The following CELF2 variants were observed in gnomAD, a reference collection of about 807,000 sequenced individuals.
CELF2 encodes CUGBP Elav-like family member 2, also known as CUG triplet repeat RNA-binding protein 2.
A neutral mutation model predicts 62.6 loss-of-function variants in CELF2; 8 were observed. The ratio of observed to expected loss-of-function variants is 0.13; its 90% CI spans 0.07 to 0.23. CELF2 has a LOEUF of 0.23. Among genes scored for constraint, CELF2 ranks in the 10% least tolerant of loss-of-function variants. The pLI is 1.00. For missense variants in CELF2, 333 were observed against 671.0 expected, an observed-to-expected ratio of 0.50 and a Z score of 5.56; for synonymous variants, 258 against 250.0, an observed-to-expected ratio of 1.03 and a Z score of -0.30.
At chr10:11,031,383 A>G (rs943495272) in intron 1 of CELF2, among the ~76,000 whole-genome samples, 1 of 152,018 alleles carries the variant, frequency 6.6e-6, no homozygotes, top group African/African-American at 2.4e-5. Context: ...ACTTTCAGCC[A>G]CTCCACAGCT....
At chr10:11,195,617 T>G (rs755539706) in intron 2 of CELF2, among the ~76,000 whole-genome samples, 20 of 152,192 alleles carry the variant, frequency 1.3e-4, no homozygotes, top group Non-Finnish European at 2.6e-4. Flanking sequence ...GGAAGATTAT[T>G]TTGCCATAAC....
At chr10:10,593,151 A>G in the CELF2 span, among the ~76,000 whole-genome samples, 6 of 152,184 alleles carry the variant, frequency 3.9e-5, no homozygotes, top group African/African-American at 1.4e-4. Context: ...GTGGAGAGAC[A>G]TGATGGTAGG....
At chr10:10,959,370 G>A (rs2049240377) in intron 2 of CELF2, among the ~76,000 whole-genome samples, 1 of 152,172 alleles carries the variant, frequency 6.6e-6, no homozygotes, top group African/African-American at 2.4e-5. Flanking sequence ...TCAAAGTAAG[G>A]AAGACTTTAT....
chr10:10,930,391 T>A (rs1487637302), intron 2 of CELF2, among the ~76,000 whole-genome samples: 3 of 152,234 alleles, frequency 2.0e-5, no homozygotes, highest in Non-Finnish European at 4.4e-5. Context: ...ATTTTCCTTA[T>A]CTGCTCTGTA....
At chr10:10,706,584 T>C in the CELF2 span, among the ~76,000 whole-genome samples, 3 of 152,064 alleles carry the variant, frequency 2.0e-5, no homozygotes, top group Admixed American at 6.5e-5. Context: ...ATCCTCCAAA[T>C]AGGAAAATGT....
chr10:10,825,586 A>T (rs1341850782), intron 1 of CELF2, among the ~76,000 whole-genome samples: 2 of 152,186 alleles, frequency 1.3e-5, no homozygotes, highest in Non-Finnish European at 2.9e-5. Context: ...TGGTAAAGCT[A>T]ATATTTGCAC....
chr10:11,289,664 G>A (rs2139692139), intron 9 of CELF2, among the ~76,000 whole-genome samples: 1 of 152,264 alleles, frequency 6.6e-6, no homozygotes, highest in South Asian at 2.1e-4. Context: ...ACTTCACTGT[G>A]TACAGTGTCT....
chr10:11,073,004 TCA>T (rs1346914640), intron 1 of CELF2, among the ~76,000 whole-genome samples: 2 of 151,954 alleles, frequency 1.3e-5, no homozygotes, highest in Non-Finnish European at 2.9e-5. Context: ...ATTACACAAA[TCA>T]CACTCTTATT....
At chr10:10,556,977 G>A in the CELF2 span, among the ~76,000 whole-genome samples, 7 of 145,796 alleles carry the variant, frequency 4.8e-5, no homozygotes, top group African/African-American at 1.8e-4. Flanking sequence ...CTCCCATTTT[G>A]TAGGTTGCCT....
At chr10:11,132,642 T>G (rs976568634) in intron 1 of CELF2, among the ~76,000 whole-genome samples, 1 of 152,136 alleles carries the variant, frequency 6.6e-6, no homozygotes, top group African/African-American at 2.4e-5. Context: ...AGACCTAATA[T>G]CCATAATGCA....
chr10:11,150,074 G>A (rs935313811), intron 1 of CELF2, among the ~76,000 whole-genome samples: 2 of 152,140 alleles, frequency 1.3e-5, no homozygotes, highest in Admixed American at 1.3e-4. Flanking sequence ...GTATCCTCCT[G>A]TCCTTGGTGA....
At chr10:11,148,352 C>T (rs894610203) in intron 1 of CELF2, among the ~76,000 whole-genome samples, 1 of 152,214 alleles carries the variant, frequency 6.6e-6, no homozygotes, top group Admixed American at 6.5e-5. Flanking sequence ...TAACGGAAGG[C>T]ATTGCTTTTG....
At chr10:10,966,686 G>C (rs1019459241) in intron 2 of CELF2, 2 of 152,190 alleles carry the variant, frequency 1.3e-5, no homozygotes, top group African/African-American at 2.4e-5. Context: ...AAGAATATCT[G>C]GGGATAGGGC....
chr10:11,007,259 TTTAAA>T lies in CELF2; in HGVS notation c.53+1824_53+1828del, dbSNP rs576456847. Among the ~76,000 whole-genome samples the T allele has an allele frequency of 6.8e-4, 103 of 152,306 alleles. 1 individual carries two copies. The highest frequency in any genetic ancestry group is 1.3e-3 in the Non-Finnish European group (90 of 68,012). Reference sequence around the variant, plus strand: ...TATTCCCTATTGGATTATATTTTGGTTTAAATTAATGATGTTCTCAATAAATAAGA... The same window carrying T: ...TATTCCCTATTGGATTATATTTTGGTTTAATGATGTTCTCAATAAATAAGA... On this transcript the variant is annotated intron_variant, in intron 1 of 12. Transcript: ENST00000416382.
chr10:10,645,969 T>G, the CELF2 span, among the ~76,000 whole-genome samples: 1 of 152,240 alleles, frequency 6.6e-6, no homozygotes, highest in Non-Finnish European at 1.5e-5. Context: ...GGCTTCAGTT[T>G]ACTCTGAAGT....
chr10:10,575,131 T>A, the CELF2 span, among the ~76,000 whole-genome samples: 1 of 152,150 alleles, frequency 6.6e-6, no homozygotes, highest in Admixed American at 6.6e-5. Context: ...AATTTAATAA[T>A]AAATATAAGC....
At chr10:11,096,199 TAGA>T (rs1413552637) in intron 1 of CELF2, 1 of 152,264 alleles carries the variant, frequency 6.6e-6, no homozygotes, top group African/African-American at 2.4e-5. Context: ...GGTAATCTAT[TAGA>T]AGAGCTCTCT....
At position 11,165,118 on chromosome 10, in the gene CELF2, A is replaced by G. The variant is rs1273193929; in HGVS notation, c.75-368A>G. On this transcript the variant is annotated intron_variant, in intron 1 of 12. Transcript: ENST00000633077. The surrounding 1 kb of genome is among the most constrained non-coding windows in gnomAD (Gnocchi z 7.4). The stretch of plus-strand genomic sequence containing the variant: ...CTGCCTTTCTTTCCCAGCCACAGCC[A>G]GGGTAGGGCTGATAAGGCGCTGATG... 9.9e-7 allele frequency: 1 copy of G among 1,010,470 alleles called. No individual in the cohort carries two copies. The highest frequency in any genetic ancestry group is 1.7e-5 in the African/African-American group (1 of 58,026). 62.6% of individuals were successfully genotyped at this position (1,010,470 alleles called of 1,614,324 possible). A position where few individuals can be genotyped will look rare whatever the true frequency, so the allele number is the denominator to read the frequency against.
At chr10:10,693,849 G>A in the CELF2 span, among the ~76,000 whole-genome samples, 1 of 151,424 alleles carries the variant, frequency 6.6e-6, no homozygotes, top group Admixed American at 6.6e-5. Flanking sequence ...CGTGGGATCA[G>A]TAGTGATATC....
Sources: gnomAD v4.1 joint callset for allele counts (sites outside exome capture counted in the v4.1 genomes callset) on GRCh38, gnomAD v4.1.1 for gene constraint, Gnocchi (gnomAD v3.1) non-coding constraint, MANE v1.5 for transcripts, NCBI Gene and HGNC (gene_info 2026-07-23, HGNC 2026-07-21) for gene names.